The following XIRP2 variants were observed in gnomAD, a reference collection of about 807,000 sequenced individuals.
XIRP2 encodes xin actin binding repeat containing 2.
In XIRP2, 236 loss-of-function variants were observed where a neutral mutation model predicts 277.0. That is an observed-to-expected ratio of 0.85 (90% CI 0.77 to 0.95). XIRP2 has a LOEUF of 0.95. XIRP2 is among the 40% of genes least tolerant of loss of function. The pLI is 0.00. For synonymous variants in XIRP2, 1,490 were observed against 1,416.5 expected, an observed-to-expected ratio of 1.05 and a Z score of -1.17; for missense variants, 4,640 against 4,157.5, an observed-to-expected ratio of 1.12 and a Z score of -3.19.
At chr2:166,986,790 T>C (rs1687018976) in intron 2 of XIRP2, among the ~76,000 whole-genome samples, 1 of 152,236 alleles carries the variant, frequency 6.6e-6, no homozygotes, top group Non-Finnish European at 1.5e-5. Context: ...AACAAACGTT[T>C]AGATAAATGA....
chr2:167,199,916 A>T (rs1573952086), intron 3 of XIRP2, among the ~76,000 whole-genome samples: 1 of 152,216 alleles, frequency 6.6e-6, no homozygotes. Flanking sequence ...TGAAAAAGGG[A>T]TACATTAGAA....
At chr2:167,035,512 G>A (rs1230544823) in intron 2 of XIRP2, among the ~76,000 whole-genome samples, 1 of 152,196 alleles carries the variant, frequency 6.6e-6, no homozygotes, top group Non-Finnish European at 1.5e-5. Context: ...ACTTGAGAGA[G>A]ATGATTTAGG....
chr2:167,249,844 A>G lies in XIRP2; in HGVS notation c.8452A>G (p.Ser2818Gly). The G allele has an allele frequency of 6.2e-7, 1 of 1,613,572 alleles. No homozygotes were observed. Among genetic ancestry groups the G allele is most frequent in the South Asian group, 1.1e-5 (1 of 91,070 alleles). The change falls in exon 9 of 11, where the codon AGT (serine) becomes GGT (glycine). Residue 2818 changes from serine (S) to glycine (G), a missense_variant. Transcript: ENST00000409195. ...SGSDRGKLPG[S>G]EEKNQGPSMI... ...ATCTGACAGAGGGAAACTTCCAGGA[A>G]GTGAAGAAAAAAATCAGGGACCATC...
At chr2:167,115,783 C>T (rs1574267990) in intron 2 of XIRP2, among the ~76,000 whole-genome samples, 1 of 152,288 alleles carries the variant, frequency 6.6e-6, no homozygotes, top group East Asian at 1.9e-4. Flanking sequence ...AAACACAGGG[C>T]TGTGCCTGCC....
Position 167,250,993 on chromosome 2 carries a change from G to GT in XIRP2, c.9601_9602insT (p.Ala3201ValfsTer13). On this transcript the variant is annotated frameshift_variant, in exon 9 of 11. Coordinates refer to ENST00000409195, the MANE Select transcript of XIRP2 (RefSeq NM_152381.6). LOFTEE classifies it high-confidence loss of function. The stretch of plus-strand genomic sequence containing the variant: ...ATCCAAAGGGGCCATCCCATGTCCA[G>GT]CAGCAACCCCGGTTCCAATTGTAGA... The GT allele has an allele frequency of 6.2e-7, 1 of 1,613,672 alleles. No individual in the cohort carries two copies. The highest frequency in any genetic ancestry group is 8.5e-7 in the Non-Finnish European group (1 of 1,179,756).
chr2:167,175,583 G>A (rs960176668), intron 3 of XIRP2, among the ~76,000 whole-genome samples: 2 of 152,146 alleles, frequency 1.3e-5, no homozygotes, highest in African/African-American at 4.8e-5. Flanking sequence ...ACCCCTGCTG[G>A]GAGGTGTCTC....
At chr2:167,082,159 T>C (rs1160801487) in intron 2 of XIRP2, among the ~76,000 whole-genome samples, 1 of 147,954 alleles carries the variant, frequency 6.8e-6, no homozygotes, top group African/African-American at 2.5e-5. Context: ...TGTGATCTCA[T>C]TGTTCAATTC....
intron 2 of XIRP2, among the ~76,000 whole-genome samples, chr2:167,088,257 C>T (rs1240865554): frequency 6.6e-6 from 1 of 152,070 alleles, no homozygotes; most frequent in Non-Finnish European, 1.5e-5. Context: ...GGAAGTTTGT[C>T]AGTAATTTTT....
chr2:167,222,203 T>C (rs1694454446), intron 5 of XIRP2, among the ~76,000 whole-genome samples: 1 of 152,220 alleles, frequency 6.6e-6, no homozygotes, highest in African/African-American at 2.4e-5. Flanking sequence ...GCCAGACATT[T>C]TAAACTTAGG....
intron 2 of XIRP2, among the ~76,000 whole-genome samples, chr2:166,971,125 A>G (rs1050044746): frequency 2.6e-5 from 4 of 152,020 alleles, no homozygotes; most frequent in Non-Finnish European, 4.4e-5. Context: ...TCTTAAGAGT[A>G]AAACTCATCT....
intron 2 of XIRP2, among the ~76,000 whole-genome samples, chr2:167,007,686 CT>C (rs1558945000): frequency 2.4e-3 from 244 of 103,492 alleles, no homozygotes; most frequent in African/African-American, 0.011. Flanking sequence ...TACACTCTCT[CT>C]CTCTCTCTCT....
chr2:167,088,067 G>C (rs1690018241), intron 2 of XIRP2, among the ~76,000 whole-genome samples: 1 of 152,002 alleles, frequency 6.6e-6, no homozygotes, highest in African/African-American at 2.4e-5. Flanking sequence ...ATTAATTTCT[G>C]GCAACAGCTA....
intron 2 of XIRP2, among the ~76,000 whole-genome samples, chr2:167,116,604 G>C (rs1334162235): frequency 6.6e-6 from 1 of 152,020 alleles, no homozygotes; most frequent in Admixed American, 6.5e-5. Flanking sequence ...TCTTTCATTG[G>C]TGTGATTAGA....
rs1465826033 is a variant in XIRP2, at chr2:167,247,566, A to T, written c.6174A>T (p.Ser2058=). ...ACCATAAATCTAATGTTTTGGAATC[A>T]GGAGACAAAACGGGTGTCTGGACTG... is the stretch of plus-strand genomic sequence containing the variant. ...NSHHKSNVLE[S]GDKTGVWTDT... Residue 2058 remains serine, a synonymous_variant, in exon 9 of 11, where the codon TCA becomes TCT. Transcript: ENST00000409195. 6.2e-7 allele frequency: 1 copy of T among 1,613,720 alleles called. No homozygotes were observed. Among genetic ancestry groups the T allele is most frequent in the Non-Finnish European group, 8.5e-7 (1 of 1,179,778 alleles).
intron 2 of XIRP2, among the ~76,000 whole-genome samples, chr2:167,011,188 G>A (rs1687668996): frequency 6.6e-6 from 1 of 150,828 alleles, no homozygotes; most frequent in Non-Finnish European, 1.5e-5. Flanking sequence ...TGCCCATTCA[G>A]TATGATATTG....
chr2:167,172,454 G>T (rs1692726204), intron 3 of XIRP2, among the ~76,000 whole-genome samples: 1 of 152,170 alleles, frequency 6.6e-6, no homozygotes, highest in African/African-American at 2.4e-5. Context: ...TATTAGGCAG[G>T]AATTTCCTCA....
rs146378476 is a variant in XIRP2, at chr2:167,102,649, G to A, written c.409-33260G>A. Among the ~76,000 whole-genome samples the A allele has an allele frequency of 4.3e-3, 651 of 152,218 alleles. 5 individuals carry two copies. The highest frequency in any genetic ancestry group is 0.023 in the South Asian group (111 of 4,818). ...AGATAGAATAAAAAGTGTAATATAT[G>A]CTCTCATTTAATCTTCATAAAAGAT... On this transcript the variant is annotated intron_variant, in intron 2 of 10. Transcript: ENST00000409195.
At chr2:167,060,967 T>A (rs1176648852) in intron 2 of XIRP2, among the ~76,000 whole-genome samples, 1 of 152,136 alleles carries the variant, frequency 6.6e-6, no homozygotes, top group East Asian at 1.9e-4. Flanking sequence ...AGAATTTACA[T>A]CTGAACTATG....
intron 1 of XIRP2, among the ~76,000 whole-genome samples, chr2:166,901,628 C>T (rs562604887): frequency 2.0e-5 from 3 of 152,180 alleles, no homozygotes; most frequent in Non-Finnish European, 2.9e-5. Context: ...GCTGTGACAG[C>T]GTCTCAACCA....
Sources: allele counts gnomAD v4.1 joint callset (sites outside exome capture counted in the v4.1 genomes callset), GRCh38; gene constraint gnomAD v4.1.1; transcripts MANE v1.5; gene names NCBI Gene and HGNC (gene_info 2026-07-23, HGNC 2026-07-21).